SLC25A21: variants seen among roughly 807,000 people sequenced by gnomAD.
SLC25A21 encodes mitochondrial 2-oxodicarboxylate carrier.
Under a neutral mutation model 43.8 loss-of-function variants are expected in SLC25A21, and 47 were observed. That is an observed-to-expected ratio of 1.07 (90% CI 0.85 to 1.37). The LOEUF is 1.37. SLC25A21 is among the 40% of genes most tolerant of loss of function. The pLI is 0.00. For synonymous variants in SLC25A21, 131 were observed against 121.3 expected, an observed-to-expected ratio of 1.08 and a Z score of -0.52; for missense variants, 352 against 350.2, an observed-to-expected ratio of 1.00 and a Z score of -0.04.
chr14:36,756,802 A>G (rs1049176003), intron 3 of SLC25A21, among the ~76,000 whole-genome samples: 26 of 152,192 alleles, frequency 1.7e-4, no homozygotes, highest in South Asian at 4.1e-4. Flanking sequence ...TTCAAGATAA[A>G]TATTCAAACA....
At chr14:36,682,605 C>T (rs1322794210) in intron 9 of SLC25A21, among the ~76,000 whole-genome samples, 1 of 152,172 alleles carries the variant, frequency 6.6e-6, no homozygotes, top group African/African-American at 2.4e-5. Context: ...AGGGCTGGTG[C>T]TGTGATTTCC....
intron 1 of SLC25A21, among the ~76,000 whole-genome samples, chr14:37,052,527 G>A (rs992525486): frequency 3.3e-5 from 5 of 152,090 alleles, no homozygotes; most frequent in African/African-American, 9.7e-5. Flanking sequence ...GCTTCTTTCT[G>A]TGCTGTTTTA....
intron 1 of SLC25A21, among the ~76,000 whole-genome samples, chr14:37,125,493 T>G (rs1341401037): frequency 6.6e-6 from 1 of 152,180 alleles, no homozygotes; most frequent in Non-Finnish European, 1.5e-5. Context: ...GATTTTATTA[T>G]TTGGGATTCA....
chr14:36,752,990 A>G (rs761235716), intron 3 of SLC25A21, among the ~76,000 whole-genome samples: 1 of 152,186 alleles, frequency 6.6e-6, no homozygotes, highest in Non-Finnish European at 1.5e-5. Flanking sequence ...GTGAGAACGA[A>G]CTAATAAATG....
Position 36,944,139 on chromosome 14 carries a change from G to A in SLC25A21, c.71-69135C>T, listed in dbSNP as rs186761475. Reference sequence around the variant, plus strand: ...CGTGTTGGCCTCTGTACTGAAGAGTGACCAGAGGTAAATGCAGGTGCCTCT... The same window carrying A: ...CGTGTTGGCCTCTGTACTGAAGAGTAACCAGAGGTAAATGCAGGTGCCTCT... On this transcript the variant is annotated intron_variant, in intron 1 of 9. Coordinates refer to ENST00000331299, the MANE Select transcript of SLC25A21 (RefSeq NM_030631.4). 3.7e-4 allele frequency among the ~76,000 whole-genome samples: 57 copies of A among 152,192 alleles called. No homozygotes were observed. The East Asian group carries it at 5.6e-3, about 15-fold the overall frequency.
At chr14:36,834,138 T>C (rs1183173922) in intron 2 of SLC25A21, among the ~76,000 whole-genome samples, 1 of 152,136 alleles carries the variant, frequency 6.6e-6, no homozygotes, top group Non-Finnish European at 1.5e-5. Context: ...AACCTAAGAA[T>C]ATAGTAAAAA....
intron 6 of SLC25A21, among the ~76,000 whole-genome samples, chr14:36,713,062 A>G (rs1883960197): frequency 1.3e-5 from 2 of 152,158 alleles, no homozygotes; most frequent in South Asian, 4.1e-4. Context: ...GACAGAGGTG[A>G]GGCTGCCTGA....
intron 1 of SLC25A21, among the ~76,000 whole-genome samples, chr14:36,899,011 C>T (rs969185475): frequency 6.6e-6 from 1 of 152,124 alleles, no homozygotes; most frequent in Non-Finnish European, 1.5e-5. Context: ...CACTATGTAT[C>T]TAATACAAAT....
intron 1 of SLC25A21, among the ~76,000 whole-genome samples, chr14:37,091,737 T>C (rs532012231): frequency 1.9e-4 from 29 of 152,214 alleles, no homozygotes; most frequent in Non-Finnish European, 4.1e-4. Flanking sequence ...TTCACAAATA[T>C]GATATCTGCA....
intron 2 of SLC25A21, among the ~76,000 whole-genome samples, chr14:36,866,560 C>T (rs370983942): frequency 1.1e-4 from 17 of 152,114 alleles, no homozygotes; most frequent in Non-Finnish European, 1.5e-5. Flanking sequence ...CCTTGAAATG[C>T]CCATGTAGCA....
intron 6 of SLC25A21, among the ~76,000 whole-genome samples, chr14:36,713,314 T>C (rs1883972852): frequency 6.6e-6 from 1 of 152,220 alleles, no homozygotes; most frequent in Non-Finnish European, 1.5e-5. Context: ...ATGACTAAAC[T>C]AAGGATTAAT....
intron 1 of SLC25A21, among the ~76,000 whole-genome samples, chr14:37,103,011 A>G (rs189888287): frequency 7.6e-4 from 115 of 152,196 alleles, no homozygotes; most frequent in African/African-American, 2.5e-3. Context: ...AAATTAATCA[A>G]AGTCAAACCA....
chr14:37,014,689 C>T (rs1960806881), intron 1 of SLC25A21, among the ~76,000 whole-genome samples: 1 of 152,050 alleles, frequency 6.6e-6, no homozygotes, highest in African/African-American at 2.4e-5. Flanking sequence ...TTATTTTGCC[C>T]AGATCCATCA....
chr14:37,078,925 G>C (rs189539652), intron 1 of SLC25A21, among the ~76,000 whole-genome samples: 11 of 151,858 alleles, frequency 7.2e-5, no homozygotes, highest in Non-Finnish European at 1.3e-4. Context: ...CTATGGTTTG[G>C]GATTTGTATG....
intron 1 of SLC25A21, among the ~76,000 whole-genome samples, chr14:36,917,512 A>G (rs1002388341): frequency 1.3e-5 from 2 of 152,150 alleles, no homozygotes; most frequent in Non-Finnish European, 2.9e-5. Context: ...CCTCAAAAAC[A>G]GAATACATGT....
chr14:37,107,128 T>G (rs1962929233), intron 1 of SLC25A21, among the ~76,000 whole-genome samples: 1 of 152,062 alleles, frequency 6.6e-6, no homozygotes, highest in Admixed American at 6.6e-5. Context: ...TAAAAAAAAT[T>G]AATTATTACT....
intron 5 of SLC25A21, among the ~76,000 whole-genome samples, chr14:36,729,119 T>C (rs952275408): frequency 2.0e-5 from 3 of 152,244 alleles, no homozygotes; most frequent in African/African-American, 4.8e-5. Context: ...TGAAGTCTTA[T>C]ATTTACTACA....
rs570437589 is a variant in SLC25A21 at position 36,991,737 on chromosome 14, A to T, written c.71-116733T>A. ...TCCATGCTCATAACCAATACACAAT[A>T]CAGGGAAATTAACAGTCTCTTCAAC... On this transcript the variant is annotated intron_variant, in intron 1 of 9. Coordinates refer to ENST00000331299, the MANE Select transcript of SLC25A21 (RefSeq NM_030631.4). Among the ~76,000 whole-genome samples, 316 of 152,308 alleles carry T rather than the reference A, an allele frequency of 2.1e-3. 2 individuals carry two copies. Among genetic ancestry groups the T allele is most frequent in the Non-Finnish European group, 3.9e-3 (264 of 68,036 alleles).
At chr14:36,978,961 A>G (rs1959947154) in intron 1 of SLC25A21, among the ~76,000 whole-genome samples, 1 of 152,128 alleles carries the variant, frequency 6.6e-6, no homozygotes, top group South Asian at 2.1e-4. Flanking sequence ...GCTGCCACGC[A>G]CCTGCAATCC....
Sources: gnomAD v4.1 joint callset for allele counts (sites outside exome capture counted in the v4.1 genomes callset) on GRCh38, gnomAD v4.1.1 for gene constraint, MANE v1.5 for transcripts, NCBI Gene and HGNC (gene_info 2026-07-23, HGNC 2026-07-21) for gene names.